The following ZBTB20 variants were observed in gnomAD, a reference collection of about 807,000 sequenced individuals.
ZBTB20 encodes the protein zinc finger and BTB domain-containing protein 20.
Under a neutral mutation model 56.9 loss-of-function variants are expected in ZBTB20, and 9 were observed. That is an observed-to-expected ratio of 0.16 (90% confidence interval 0.10 to 0.28). The LOEUF (loss-of-function observed/expected upper bound fraction) is 0.28, where lower values mean the gene tolerates loss of function less well. Ranked by LOEUF, ZBTB20 falls within the 10% of genes least tolerant of loss-of-function variation. The pLI is 1.00. For missense variants in ZBTB20, 655 were observed against 1,003.0 expected (o/e 0.65, Z 4.69); for synonymous variants, 417 against 420.7 (o/e 0.99, Z 0.11).
chr3:114,993,025 G>C lies in ZBTB20; in HGVS notation c.-506-18609C>G, dbSNP rs530644225. Among the ~76,000 whole-genome samples the C allele has an allele frequency of 2.2e-4, 34 of 152,024 alleles. No homozygotes were observed. The South Asian group carries it at 6.4e-3, about 29-fold the overall frequency. The stretch of plus-strand genomic sequence containing the variant: ...AAAACAACTTTCTTCACCTGAGAAT[G>C]AGCTAACCATAGGATCAAAAACTGA... On this transcript the variant is annotated intron_variant, in intron 2 of 11. Coordinates refer to ENST00000675478, the MANE Select transcript of ZBTB20 (RefSeq NM_001348800.3).
chr3:114,437,338 G>A (rs1018371337), intron 7 of ZBTB20, among the ~76,000 whole-genome samples: 12 of 152,106 alleles, frequency 7.9e-5, no homozygotes, highest in African/African-American at 1.2e-4. Flanking sequence ...CTCAACAGGC[G>A]GTCAGCAAAC....
intron 6 of ZBTB20, among the ~76,000 whole-genome samples, chr3:114,637,253 T>C (rs1419641058): frequency 3.9e-5 from 6 of 152,092 alleles, no homozygotes; most frequent in African/African-American, 1.4e-4. Flanking sequence ...TACACTACTT[T>C]TTATTTTTCC....
At chr3:114,932,129 G>A (rs1325553176) in intron 3 of ZBTB20, among the ~76,000 whole-genome samples, 1 of 152,038 alleles carries the variant, frequency 6.6e-6, no homozygotes, top group Non-Finnish European at 1.5e-5. Context: ...GCTGTTTCTG[G>A]GCAACTTGAC....
At chr3:114,499,256 T>C (rs913433037) in intron 7 of ZBTB20, among the ~76,000 whole-genome samples, 6 of 152,216 alleles carry the variant, frequency 3.9e-5, no homozygotes, top group Non-Finnish European at 7.3e-5. Context: ...GGGAGTTTAA[T>C]CAATCTCCTT....
intron 10 of ZBTB20, among the ~76,000 whole-genome samples, chr3:114,357,910 A>T (rs1178797673): frequency 6.6e-6 from 1 of 152,222 alleles, no homozygotes; most frequent in Non-Finnish European, 1.5e-5. Context: ...AATATTTTTT[A>T]AAAAGATTGA....
chr3:114,973,064 A>C (rs2077953315), intron 3 of ZBTB20, among the ~76,000 whole-genome samples: 1 of 152,220 alleles, frequency 6.6e-6, no homozygotes, highest in Non-Finnish European at 1.5e-5. Context: ...ATTACTGAAA[A>C]TTATATTGCT....
chr3:114,478,956 A>G (rs1177541495), intron 7 of ZBTB20, among the ~76,000 whole-genome samples: 1 of 152,124 alleles, frequency 6.6e-6, no homozygotes, highest in Non-Finnish European at 1.5e-5. Flanking sequence ...ACATTTATGC[A>G]TCTGTATTAT....
At chr3:114,741,557 C>G (rs2066577718) in intron 5 of ZBTB20, among the ~76,000 whole-genome samples, 1 of 152,042 alleles carries the variant, frequency 6.6e-6, no homozygotes. Context: ...GTTACCTACT[C>G]ATTGTGTACT....
intron 6 of ZBTB20, among the ~76,000 whole-genome samples, chr3:114,621,826 T>TG (rs1249631295): frequency 6.6e-6 from 1 of 152,122 alleles, no homozygotes; most frequent in East Asian, 1.9e-4. Flanking sequence ...TAAGTAATAT[T>TG]AATATAGCCA....
chr3:114,873,266 C>G (rs1159649102), intron 4 of ZBTB20: 1 of 151,930 alleles, frequency 6.6e-6, no homozygotes, highest in East Asian at 1.9e-4. Flanking sequence ...ATAACTAGCA[C>G]ATAGTGAGCA....
intron 4 of ZBTB20, among the ~76,000 whole-genome samples, chr3:114,876,894 T>C (rs2076220140): frequency 6.6e-6 from 1 of 152,168 alleles, no homozygotes; most frequent in Non-Finnish European, 1.5e-5. Flanking sequence ...ATCTCATGCT[T>C]CCATAGTACA....
At chr3:115,118,703 A>AATTTT in intron 1 of ZBTB20, among the ~76,000 whole-genome samples, 1 of 82,174 alleles carries the variant, frequency 1.2e-5, no homozygotes, top group Non-Finnish European at 2.2e-5. Context: ...CCTGGTACAA[A>AATTTT]TTTTTTTTTT....
At chr3:114,371,396 T>G (rs1356669584) in intron 10 of ZBTB20, among the ~76,000 whole-genome samples, 1 of 152,242 alleles carries the variant, frequency 6.6e-6, no homozygotes, top group East Asian at 1.9e-4. Context: ...GCACAAAAGA[T>G]ATATTCTATA....
intron 1 of ZBTB20, among the ~76,000 whole-genome samples, chr3:115,116,090 G>A (rs1285753995): frequency 6.6e-6 from 1 of 151,846 alleles, no homozygotes; most frequent in Non-Finnish European, 1.5e-5. Flanking sequence ...TCAGTCAGTT[G>A]TCTGTTTTGT....
chr3:114,642,163 AC>A (rs1214817725), intron 6 of ZBTB20, among the ~76,000 whole-genome samples: 1 of 152,106 alleles, frequency 6.6e-6, no homozygotes, highest in East Asian at 1.9e-4. Context: ...GGAGTGGCTG[AC>A]AAGAGACTAA....
rs531452496 is a variant in ZBTB20, at chr3:114,461,596, C to T, written c.-255+38756G>A. ...GCTGGATTACAGGTGTGAGCCACTG[C>T]GCCCAGCCCCTATCCAAACTTTAAT... is the stretch of plus-strand genomic sequence containing the variant. On this transcript the variant is annotated intron_variant, in intron 7 of 11. Coordinates refer to ENST00000675478, the MANE Select transcript of ZBTB20 (RefSeq NM_001348800.3). Among the ~76,000 whole-genome samples the T allele has an allele frequency of 7.9e-5, 12 of 152,290 alleles. No homozygotes were observed. In the South Asian group the frequency reaches 1.4e-3, roughly 18 times the overall value.
Position 114,572,703 on chromosome 3 carries a change from C to T in ZBTB20, c.-294-72312G>A, listed in dbSNP as rs140017749. Among the ~76,000 whole-genome samples, 1,261 of 152,260 alleles carry T rather than the reference C, an allele frequency of 8.3e-3. 21 individuals are homozygous for T. The highest frequency in any genetic ancestry group is 0.028 in the African/African-American group (1,148 of 41,566). On this transcript the variant is annotated intron_variant, in intron 6 of 11. Transcript: ENST00000675478. ...TTTAAAGATTATATTTTTACTTGTA[C>T]AGTTTTGTTACTAAAGGGGCAGACT...
chr3:114,650,926 T>A (rs189858593), intron 6 of ZBTB20, among the ~76,000 whole-genome samples: 2 of 152,022 alleles, frequency 1.3e-5, no homozygotes, highest in Admixed American at 6.6e-5. Context: ...ATTTATCATT[T>A]TGATAAAACT....
intron 5 of ZBTB20, among the ~76,000 whole-genome samples, chr3:114,750,941 G>T (rs2067514331): frequency 6.6e-6 from 1 of 152,058 alleles, no homozygotes. Flanking sequence ...GATATCCTTA[G>T]GTAGCTTTTG....
Sources: allele counts gnomAD v4.1 joint callset (sites outside exome capture counted in the v4.1 genomes callset), GRCh38; gene constraint gnomAD v4.1.1; transcripts MANE v1.5; gene names NCBI Gene and HGNC (gene_info 2026-07-23, HGNC 2026-07-21).